SAMSN1: variants seen among roughly 807,000 people sequenced by gnomAD.
SAMSN1 encodes SAM domain-containing protein SAMSN-1.
A neutral mutation model predicts 42.0 loss-of-function variants in SAMSN1; 31 were observed. That is an observed-to-expected ratio of 0.74 (90% CI 0.55 to 1.00). SAMSN1 has a LOEUF of 1.00. Among genes scored for constraint, SAMSN1 ranks in the 50% least tolerant of loss-of-function variants. The probability of loss-of-function intolerance (pLI) is 0.00; values close to 1 mark genes in which losing one functional copy is unlikely to be tolerated. For synonymous variants in SAMSN1, 178 were observed against 151.9 expected (o/e 1.17, Z -1.26); for missense variants, 464 against 439.4 (o/e 1.06, Z -0.50).
At chr21:14,593,815 T>C in intron 7 of SAMSN1, 2 of 373,036 alleles carry the variant, frequency 5.4e-6, no homozygotes, top group Admixed American at 4.4e-5. Context: ...TTGAAGGAAA[T>C]GCTTTATGTT....
intron 1 of SAMSN1, among the ~76,000 whole-genome samples, chr21:14,653,850 A>AAC (rs3050646): frequency 2.1e-3 from 319 of 150,778 alleles, no homozygotes; most frequent in African/African-American, 6.2e-3. Flanking sequence ...TACACATTGC[A>AAC]ACACACACAC....
At chr21:14,508,900 T>A (rs1433114660) in intron 5 of SAMSN1, among the ~76,000 whole-genome samples, 1 of 151,758 alleles carries the variant, frequency 6.6e-6, no homozygotes, top group African/African-American at 2.4e-5. Flanking sequence ...GAGGCTGAGG[T>A]GGGTGGATCA....
At chr21:14,587,763 A>ATTTT (rs879944460), upstream of SAMSN1, among the ~76,000 whole-genome samples, 700 of 150,608 alleles carry the variant, frequency 4.6e-3, 2 homozygotes, top group Middle Eastern at 0.01. Flanking sequence ...TTATTTATTT[A>ATTTT]TTTTTTAAAT....
intron 4 of SAMSN1, among the ~76,000 whole-genome samples, chr21:14,610,963 T>C (rs1982690232): frequency 6.6e-6 from 1 of 152,242 alleles, no homozygotes; most frequent in Non-Finnish European, 1.5e-5. Flanking sequence ...TCTTACTCTG[T>C]TGCCCAGGTT....
intron 2 of SAMSN1, among the ~76,000 whole-genome samples, chr21:14,564,369 A>G (rs1981043110): frequency 6.6e-6 from 1 of 152,202 alleles, no homozygotes; most frequent in Non-Finnish European, 1.5e-5. Context: ...ATGAGCAAAC[A>G]TTTATTGATA....
intron 2 of SAMSN1, among the ~76,000 whole-genome samples, chr21:14,638,017 A>G (rs1371010927): frequency 6.6e-6 from 1 of 152,198 alleles, no homozygotes; most frequent in Non-Finnish European, 1.5e-5. Flanking sequence ...TGGTGGACAT[A>G]GTAGACTTCC....
chr21:14,545,792 A>G (rs758938308), intron 1 of SAMSN1, among the ~76,000 whole-genome samples: 2 of 152,230 alleles, frequency 1.3e-5, no homozygotes, highest in Non-Finnish European at 2.9e-5. Context: ...CAACCTTCTT[A>G]TAACTCTATT....
intron 2 of SAMSN1, among the ~76,000 whole-genome samples, chr21:14,621,544 T>C (rs922437503): frequency 6.6e-6 from 1 of 152,016 alleles, no homozygotes; most frequent in Non-Finnish European, 1.5e-5. Flanking sequence ...GCCTCACTCA[T>C]TGCTAGCACA....
intron 5 of SAMSN1, among the ~76,000 whole-genome samples, chr21:14,506,610 A>G (rs1308387755): frequency 3.3e-5 from 5 of 152,328 alleles, no homozygotes; most frequent in Admixed American, 3.3e-4. Flanking sequence ...ATTCTACCAG[A>G]CATTCGAAGA....
At chr21:14,615,506 G>C (rs997907735) in intron 3 of SAMSN1, among the ~76,000 whole-genome samples, 4 of 152,026 alleles carry the variant, frequency 2.6e-5, no homozygotes, top group Admixed American at 6.6e-5. Context: ...TGTGTAATTC[G>C]TGCTTATCAA....
rs188795041 is a variant in SAMSN1, at chr21:14,496,155, C to T, written c.919+2287G>A. 3.9e-5 allele frequency: 6 copies of T among 152,268 alleles called. No individual in the cohort carries two copies. In the East Asian group the frequency reaches 5.8e-4, roughly 15 times the overall value. 9.4% of individuals were successfully genotyped at this position (152,268 alleles called of 1,614,324 possible). ...TTGACAGGCAGCCATGGAAGCCTCTCGCCTTTTACCTTCTGATATAGAAAA... is the reference window on the plus strand; with the variant it reads ...TTGACAGGCAGCCATGGAAGCCTCTTGCCTTTTACCTTCTGATATAGAAAA... On this transcript the variant is annotated intron_variant, in intron 7 of 7. Transcript: ENST00000400566.
At chr21:14,586,771 T>C (rs775599494), upstream of SAMSN1, among the ~76,000 whole-genome samples, 1 of 152,104 alleles carries the variant, frequency 6.6e-6, no homozygotes, top group African/African-American at 2.4e-5. Context: ...GAACCAGATA[T>C]GTGAAGATTT....
rs1028536691 is a variant in SAMSN1, at chr21:14,560,390, G to A, written c.261+21746C>T. 2.0e-5 allele frequency among the ~76,000 whole-genome samples: 3 copies of A among 152,152 alleles called. 1 individual carries two copies. The highest frequency in any genetic ancestry group is 2.9e-5 in the Non-Finnish European group (2 of 68,012). On this transcript the variant is annotated intron_variant, in intron 2 of 8. Coordinates refer to the SAMSN1 transcript ENST00000285670. ...TGCTTCTGACCTCCAAGCTGTCCTTGATCATTCCTGAGTGTAGGCCAAGCT... is the reference window on the plus strand; with the variant it reads ...TGCTTCTGACCTCCAAGCTGTCCTTAATCATTCCTGAGTGTAGGCCAAGCT...
intron 2 of SAMSN1, among the ~76,000 whole-genome samples, chr21:14,553,550 C>G (rs1204307365): frequency 1.3e-5 from 2 of 152,162 alleles, no homozygotes; most frequent in Non-Finnish European, 2.9e-5. Context: ...TATCTCTGGT[C>G]TAAGTCTCAC....
chr21:14,516,867 C>A, intron 3 of SAMSN1, 25 bp downstream of exon 3: 1 of 1,577,596 alleles, frequency 6.3e-7, no homozygotes, highest in Middle Eastern at 1.7e-4. Context: ...TAGAAAAATA[C>A]AAATGATTAT....
chr21:14,546,905 T>C (rs982699060), upstream of SAMSN1, among the ~76,000 whole-genome samples: 1 of 152,056 alleles, frequency 6.6e-6, no homozygotes, highest in African/African-American at 2.4e-5. Context: ...GAGATGGGGT[T>C]TCACCATGTT....
At chr21:14,646,900 CA>C (rs1172814273) in intron 1 of SAMSN1, among the ~76,000 whole-genome samples, 3 of 151,712 alleles carry the variant, frequency 2.0e-5, no homozygotes, top group South Asian at 2.1e-4. Context: ...AAACTCAAAC[CA>C]AAAAACATAC....
chr21:14,579,331 TAA>T (rs771454387), intron 2 of SAMSN1, among the ~76,000 whole-genome samples: 13 of 152,180 alleles, frequency 8.5e-5, no homozygotes, highest in Non-Finnish European at 1.6e-4. Context: ...ACTTAATCGT[TAA>T]GTTATATATT....
intron 3 of SAMSN1, among the ~76,000 whole-genome samples, chr21:14,513,820 T>G (rs1480824192): frequency 6.6e-6 from 1 of 152,146 alleles, no homozygotes; most frequent in Non-Finnish European, 1.5e-5. Context: ...AACTCAGAAT[T>G]ATCTTGGGTT....
Sources: allele counts gnomAD v4.1 joint callset (sites outside exome capture counted in the v4.1 genomes callset), GRCh38; gene constraint gnomAD v4.1.1; transcripts MANE v1.5; gene names NCBI Gene and HGNC (gene_info 2026-07-23, HGNC 2026-07-21).